HAPLN2: variants seen among roughly 807,000 people sequenced by gnomAD.
HAPLN2 encodes brain link protein-1.
A neutral mutation model predicts 29.3 loss-of-function variants in HAPLN2; 27 were observed. The observed-to-expected ratio is 0.92, with a 90% CI of 0.68 to 1.27. The LOEUF is 1.27. Ranked by LOEUF, HAPLN2 falls within the 50% of genes most tolerant of loss-of-function variation. The pLI, the probability that HAPLN2 is intolerant of heterozygous loss-of-function variation, is 0.00. For missense variants in HAPLN2, 454 were observed against 484.3 expected (o/e 0.94, Z 0.59); for synonymous variants, 208 against 211.7 (o/e 0.98, Z 0.15).
intron 2 of HAPLN2, among the ~76,000 whole-genome samples, chr1:156,621,733 G>GAA (rs58393811): frequency 8.1e-6 from 1 of 123,522 alleles, no homozygotes; most frequent in African/African-American, 3.1e-5. Context: ...TCAGAAAAAA[G>GAA]AAAAAAAAAA....
the HAPLN2 span, among the ~76,000 whole-genome samples, chr1:156,609,205 A>C: frequency 6.6e-6 from 1 of 152,200 alleles, no homozygotes; most frequent in Non-Finnish European, 1.5e-5. Flanking sequence ...ACAGGACCTG[A>C]GCCAGGTGCA....
the HAPLN2 span, among the ~76,000 whole-genome samples, chr1:156,602,375 T>C: frequency 6.6e-6 from 1 of 150,928 alleles, no homozygotes; most frequent in Non-Finnish European, 1.5e-5. Context: ...GGACCTTGAG[T>C]GGGATTAGAT....
Position 156,624,470 on chromosome 1 carries a change from G to A in HAPLN2, c.556+3G>A, listed in dbSNP as rs1678374069. The A allele has an allele frequency of 6.2e-7, 1 of 1,612,418 alleles. No homozygotes were observed. The highest frequency in any genetic ancestry group is 8.5e-7 in the Non-Finnish European group (1 of 1,179,248). On this transcript the variant is annotated splice_donor_region_variant and intron_variant, in intron 5 of 6. Coordinates refer to ENST00000255039, the MANE Select transcript of HAPLN2 (RefSeq NM_021817.3). ...CACCTACTCCCAGCTCTACCAGGGT[G>A]AGCGGCCGAACCCAGCACTTCCCAA...
chr1:156,618,412 G>A (rs936855344), upstream of HAPLN2, among the ~76,000 whole-genome samples: 2 of 151,612 alleles, frequency 1.3e-5, no homozygotes, highest in South Asian at 2.1e-4. Flanking sequence ...CCAGGTGTTC[G>A]AGGCTGCAGT....
At chr1:156,623,738 G>A (rs995338495) in intron 3 of HAPLN2, 69 bp from the exon 4 acceptor site, 31 of 1,478,336 alleles carry the variant, frequency 2.1e-5, no homozygotes, top group Non-Finnish European at 2.8e-5. Flanking sequence ...CATTTGGGGA[G>A]CAGGGTCTGA....
rs2102531316 is a variant in HAPLN2, at chr1:156,623,589, C to G, written c.85+14C>G. 5 of 1,613,992 alleles carry G rather than the reference C, an allele frequency of 3.1e-6. No homozygotes were observed. The highest frequency in any genetic ancestry group is 4.2e-6 in the Non-Finnish European group (5 of 1,179,960). ...AAGGAGACCCAGGTAAGACCCCAGC[C>G]CAGGCCAGAATCTGGGGGAGGCTTG... On this transcript the variant is annotated intron_variant, in intron 3 of 6. Coordinates refer to ENST00000255039, the MANE Select transcript of HAPLN2 (RefSeq NM_021817.3).
At chr1:156,604,698 A>G in the HAPLN2 span, among the ~76,000 whole-genome samples, 1 of 152,258 alleles carries the variant, frequency 6.6e-6, no homozygotes, top group Non-Finnish European at 1.5e-5. Context: ...TTCATAGGCA[A>G]TAGGATCAAA....
Position 156,625,131 on chromosome 1 carries a change from C to T in HAPLN2, c.770C>T (p.Thr257Met). ...GTGTTCTTCGTGCCCGGGCGGCTGA[C>T]GCTGTCTGAAGCCCACGCGGCGTGC... ...GQVFFVPGRL[T>M]LSEAHAACRR... is the part of the protein sequence containing the mutation. Residue 257 changes from threonine to methionine, a missense_variant, in exon 7 of 7, where the codon ACG becomes ATG. Physicochemically the swap from Thr to Met is moderately conservative, Grantham distance 81. This residue lies in a region of HAPLN2 where 235 missense variants were observed against 236.9 expected (regional missense o/e 0.99). Transcript: ENST00000255039. The surrounding 1 kb of genome is among the most constrained non-coding windows in gnomAD (Gnocchi z 5.7). 1.3e-6 allele frequency: 2 copies of T among 1,540,934 alleles called. No individual in the cohort carries two copies. Among genetic ancestry groups the T allele is most frequent in the Non-Finnish European group, 1.7e-6 (2 of 1,146,628 alleles).
Position 156,625,002 on chromosome 1 carries a change from A to G in HAPLN2, c.740-99A>G. ...AACTCCTCTTACCCAAGCTCGATCC[A>G]GCACCTCTGCGGTCCCGCACCCCAA... On this transcript the variant is annotated intron_variant, in intron 6 of 6. Coordinates refer to ENST00000255039, the MANE Select transcript of HAPLN2 (RefSeq NM_021817.3). The surrounding 1 kb of genome is among the most constrained non-coding windows in gnomAD (Gnocchi z 5.7). The G allele has an allele frequency of 7.1e-7, 1 of 1,402,956 alleles. No homozygotes were observed. The highest frequency in any genetic ancestry group is 9.5e-7 in the Non-Finnish European group (1 of 1,055,812). 86.9% of individuals were successfully genotyped at this position (1,402,956 alleles called of 1,614,324 possible).
the HAPLN2 span, chr1:156,601,633 G>A: frequency 1.6e-6 from 1 of 631,242 alleles, no homozygotes; most frequent in Non-Finnish European, 2.8e-6. Context: ...CGGAGGTTCC[G>A]AGGCTGTTCC....
chr1:156,611,436 G>A, the HAPLN2 span, among the ~76,000 whole-genome samples: 5 of 152,068 alleles, frequency 3.3e-5, no homozygotes, highest in African/African-American at 9.6e-5. Flanking sequence ...GTGGTCATGC[G>A]CGCCTGTAAT....
Position 156,625,210 on chromosome 1 carries a change from G to A in HAPLN2, c.849G>A (p.Lys283=). Residue 283 remains lysine, a synonymous_variant, in exon 7 of 7, where the codon AAG becomes AAA. Coordinates refer to ENST00000255039, the MANE Select transcript of HAPLN2 (RefSeq NM_021817.3). The surrounding 1 kb of genome is among the most constrained non-coding windows in gnomAD (Gnocchi z 5.7). ...TTGGGCACCTCTACGCCGCCTGGAAGTTTTCGGGGCTAGACCAGTGCGACG... is the reference window on the plus strand; with the variant it reads ...TTGGGCACCTCTACGCCGCCTGGAAATTTTCGGGGCTAGACCAGTGCGACG... ...AKVGHLYAAW[K]FSGLDQCDGG... The A allele has an allele frequency of 6.4e-7, 1 of 1,562,436 alleles. No individual in the cohort carries two copies. The highest frequency in any genetic ancestry group is 8.7e-7 in the Non-Finnish European group (1 of 1,154,644).
At chr1:156,613,900 G>C in the HAPLN2 span, among the ~76,000 whole-genome samples, 1 of 124,680 alleles carries the variant, frequency 8.0e-6, no homozygotes, top group Non-Finnish European at 1.6e-5. Context: ...CTGGGTGACA[G>C]AGTGAGATTC....
the HAPLN2 span, among the ~76,000 whole-genome samples, chr1:156,608,315 T>G: frequency 6.6e-6 from 1 of 152,190 alleles, no homozygotes; most frequent in Non-Finnish European, 1.5e-5. Context: ...TATTGCCATC[T>G]GCCCCTTGGT....
At chr1:156,607,248 G>A in the HAPLN2 span, among the ~76,000 whole-genome samples, 5,603 of 152,250 alleles carry the variant, frequency 0.037, 363 homozygotes, top group African/African-American at 0.13. Flanking sequence ...GGGAGGCCGA[G>A]GTGGGTGAAA....
the HAPLN2 span, among the ~76,000 whole-genome samples, chr1:156,607,960 C>T: frequency 6.6e-6 from 1 of 152,116 alleles, no homozygotes; most frequent in Non-Finnish European, 1.5e-5. Flanking sequence ...AAAAGGTGAG[C>T]CTGTGTCTCA....
Position 156,624,434 on chromosome 1 carries a change from G to T in HAPLN2, c.523G>T (p.Gly175Ter). 6.2e-7 allele frequency: 1 copy of T among 1,612,350 alleles called. No individual in the cohort carries two copies. Among genetic ancestry groups the T allele is most frequent in the Non-Finnish European group, 8.5e-7 (1 of 1,179,394 alleles). ...EAKQACEEQD[G>*]RLATYSQLYQ... ...GAAGCAGGCGTGCGAGGAGCAGGAC[G>T]GACGCCTGGCCACCTACTCCCAGCT... is the stretch of plus-strand genomic sequence containing the variant. The change falls in exon 5 of 7, where the codon GGA becomes TGA. Residue 175 changes from glycine to a stop codon, truncating the protein, a stop_gained. Coordinates refer to ENST00000255039, the MANE Select transcript of HAPLN2 (RefSeq NM_021817.3). LOFTEE classifies it high-confidence loss of function.
At chr1:156,615,480 C>T (rs369269049), upstream of HAPLN2, among the ~76,000 whole-genome samples, 4 of 151,826 alleles carry the variant, frequency 2.6e-5, no homozygotes, top group East Asian at 3.9e-4. Flanking sequence ...CACTTGAACC[C>T]AGAAGTTTGA....
Position 156,623,045 on chromosome 1 carries a change from T to TAAAAAA in HAPLN2, c.-24-419_-24-418insAAAAAA, listed in dbSNP as rs1553235342. 8.7e-5 allele frequency among the ~76,000 whole-genome samples: 9 copies of TAAAAAA among 102,948 alleles called. 1 individual carries two copies. Among genetic ancestry groups the TAAAAAA allele is most frequent in the Non-Finnish European group, 1.6e-4 (8 of 50,494 alleles). 67.5% of individuals were successfully genotyped at this position (102,948 alleles called of 152,430 possible). A position where few individuals can be genotyped will look rare whatever the true frequency, so the allele number is the denominator to read the frequency against. On this transcript the variant is annotated intron_variant, in intron 2 of 6. Coordinates refer to ENST00000255039, the MANE Select transcript of HAPLN2 (RefSeq NM_021817.3). ...CAACACTCTGTCTCAAAAAAATAAA[T>TAAAAAA]AAATAAATAAATAAATAAATAAATA... is the stretch of plus-strand genomic sequence containing the variant.
Sources: allele counts gnomAD v4.1 joint callset (sites outside exome capture counted in the v4.1 genomes callset), GRCh38; gene constraint gnomAD v4.1.1; regional missense constraint gnomAD v4.1.1; non-coding constraint Gnocchi (gnomAD v3.1); transcripts MANE v1.5; gene names NCBI Gene and HGNC (gene_info 2026-07-23, HGNC 2026-07-21).